Variants in CALN1 observed in about 807,000 individuals in gnomAD.
CALN1 encodes calneuron 1, also known as calcium-binding protein 8.
In CALN1, 17 loss-of-function variants were observed where a neutral mutation model predicts 30.6. That is an observed-to-expected ratio of 0.56 (90% CI 0.38 to 0.83). The LOEUF (loss-of-function observed/expected upper bound fraction) is 0.83, where lower values mean the gene tolerates loss of function less well. CALN1 is among the 40% of genes least tolerant of loss of function. CALN1 has a pLI of 0.00. For missense variants in CALN1, 291 were observed against 354.9 expected (o/e 0.82, Z 1.45); for synonymous variants, 156 against 131.4 (o/e 1.19, Z -1.28).
chr7:72,415,260 G>C (rs1030554799), upstream of CALN1, among the ~76,000 whole-genome samples: 1 of 152,226 alleles, frequency 6.6e-6, no homozygotes, highest in Admixed American at 6.5e-5. Flanking sequence ...GAGCACCTGG[G>C]TCTAATTCAT....
chr7:72,501,021 A>G, the CALN1 span, among the ~76,000 whole-genome samples: 1 of 152,188 alleles, frequency 6.6e-6, no homozygotes, highest in Non-Finnish European at 1.5e-5. Context: ...ATTAATTAAT[A>G]AACTTTTCCA....
intron 5 of CALN1, among the ~76,000 whole-genome samples, chr7:71,948,255 A>G (rs1020084533): frequency 2.6e-5 from 4 of 152,052 alleles, no homozygotes; most frequent in Non-Finnish European, 5.9e-5. Flanking sequence ...AGAGGACCAC[A>G]TAGTCTCTTC....
At chr7:72,330,543 T>G (rs1801603685) in intron 2 of CALN1, among the ~76,000 whole-genome samples, 1 of 151,938 alleles carries the variant, frequency 6.6e-6, no homozygotes, top group Non-Finnish European at 1.5e-5. Context: ...TCTGTCTCAA[T>G]TATATCCTCC....
chr7:72,079,266 A>C (rs1804957795), intron 4 of CALN1, among the ~76,000 whole-genome samples: 1 of 152,160 alleles, frequency 6.6e-6, no homozygotes, highest in African/African-American at 2.4e-5. Flanking sequence ...TCTCATCTGG[A>C]AATGAGAACA....
In CALN1 at chr7:72,205,542, CA is replaced by C. The variant is rs375314989; in HGVS notation, c.244+73143del. ...GTCAGAAGTATTTTTCTCCTGATTGCAAAAAAAAAATATATATATATATATG... is the reference window on the plus strand; with the variant it reads ...GTCAGAAGTATTTTTCTCCTGATTGCAAAAAAAAATATATATATATATATG... On this transcript the variant is annotated intron_variant, in intron 3 of 6. Coordinates refer to ENST00000395275, the MANE Select transcript of CALN1 (RefSeq NM_031468.4). Among the ~76,000 whole-genome samples the C allele has an allele frequency of 9.6e-4, 51 of 53,102 alleles. No individual in the cohort carries two copies. The East Asian group carries it at 0.011, about 12-fold the overall frequency. 34.8% of individuals were successfully genotyped at this position (53,102 alleles called of 152,430 possible).
At chr7:71,790,716 T>G (rs181426983) in intron 6 of CALN1, among the ~76,000 whole-genome samples, 1 of 152,312 alleles carries the variant, frequency 6.6e-6, no homozygotes, top group Non-Finnish European at 1.5e-5. Context: ...TCAGCCCTAT[T>G]GCAGAATTAC....
At chr7:72,158,460 G>A (rs758616321) in intron 3 of CALN1, among the ~76,000 whole-genome samples, 2 of 152,050 alleles carry the variant, frequency 1.3e-5, no homozygotes, top group African/African-American at 2.4e-5. Context: ...TCCAACCTTC[G>A]TCCTGGCCAG....
chr7:71,860,090 G>A (rs1405549967), intron 5 of CALN1, among the ~76,000 whole-genome samples: 1 of 152,110 alleles, frequency 6.6e-6, no homozygotes, highest in East Asian at 1.9e-4. Flanking sequence ...ATATCTCCCA[G>A]GATATTTTTG....
intron 5 of CALN1, among the ~76,000 whole-genome samples, chr7:71,895,057 C>A (rs1228976078): frequency 6.6e-6 from 1 of 151,944 alleles, no homozygotes; most frequent in South Asian, 2.1e-4. Context: ...TGGGCTCAAG[C>A]GAGCCTCTCA....
intron 2 of CALN1, among the ~76,000 whole-genome samples, chr7:72,312,687 T>C (rs1030318411): frequency 6.6e-6 from 1 of 152,024 alleles, no homozygotes; most frequent in African/African-American, 2.4e-5. Context: ...ATGGCATCAT[T>C]GAAAAGGAAA....
chr7:72,054,536 T>TATACATAC (rs1803116039), intron 4 of CALN1, among the ~76,000 whole-genome samples: 1 of 123,886 alleles, frequency 8.1e-6, no homozygotes, highest in African/African-American at 3.3e-5. Context: ...TACATACATA[T>TATACATAC]ATATATACAT....
At chr7:72,310,783 A>C (rs1186071263) in intron 2 of CALN1, among the ~76,000 whole-genome samples, 1 of 151,748 alleles carries the variant, frequency 6.6e-6, no homozygotes, top group East Asian at 1.9e-4. Context: ...GGCACCTGTA[A>C]TCCCAGCAAC....
chr7:72,262,185 A>G (rs970169447), intron 3 of CALN1, among the ~76,000 whole-genome samples: 1 of 152,162 alleles, frequency 6.6e-6, no homozygotes, highest in African/African-American at 2.4e-5. Context: ...CCCAAGGAAT[A>G]AGTATTATAG....
At chr7:72,326,246 T>C (rs1231259822) in intron 2 of CALN1, among the ~76,000 whole-genome samples, 2 of 152,148 alleles carry the variant, frequency 1.3e-5, no homozygotes, top group African/African-American at 4.8e-5. Context: ...CAGATCCTGA[T>C]CGTCCTTGCA....
At chr7:72,409,661 T>C (rs1353989969) in intron 1 of CALN1, among the ~76,000 whole-genome samples, 1 of 151,978 alleles carries the variant, frequency 6.6e-6, no homozygotes, top group East Asian at 2.0e-4. Flanking sequence ...GAAAATCTAA[T>C]GTTTGGGAAT....
chr7:72,255,324 C>G (rs1241922816), intron 3 of CALN1, among the ~76,000 whole-genome samples: 1 of 151,982 alleles, frequency 6.6e-6, no homozygotes, highest in African/African-American at 2.4e-5. Flanking sequence ...AACTCCTGAT[C>G]TCATGATCCA....
chr7:71,901,944 TTTAC>T (rs1793873354), intron 5 of CALN1, among the ~76,000 whole-genome samples: 1 of 152,038 alleles, frequency 6.6e-6, no homozygotes, highest in Non-Finnish European at 1.5e-5. Flanking sequence ...CTAAAGAGCT[TTTAC>T]ACAGCAAAAG....
At chr7:72,278,585 A>G in intron 3 of CALN1, 101 bp downstream of exon 3, 5 of 1,509,584 alleles carry the variant, frequency 3.3e-6, no homozygotes, top group South Asian at 1.2e-5. Context: ...CACAACTGCC[A>G]AGGAGTGGCC....
At chr7:72,245,951 G>A (rs555297159) in intron 3 of CALN1, among the ~76,000 whole-genome samples, 66 of 152,272 alleles carry the variant, frequency 4.3e-4, no homozygotes, top group Admixed American at 1.9e-3. Flanking sequence ...ACTGCAAGGC[G>A]TCCTCCACAT....
Sources: gnomAD v4.1 joint callset for allele counts (sites outside exome capture counted in the v4.1 genomes callset) on GRCh38, gnomAD v4.1.1 for gene constraint, MANE v1.5 for transcripts, NCBI Gene and HGNC (gene_info 2026-07-23, HGNC 2026-07-21) for gene names.